The following AXDND1 variants were observed in gnomAD, a reference collection of about 807,000 sequenced individuals.
The protein encoded by AXDND1 is axonemal dynein light chain domain-containing protein 1.
In AXDND1, 110 loss-of-function variants were observed where a neutral mutation model predicts 137.5. That is an observed-to-expected ratio of 0.80 (90% CI 0.69 to 0.94). The LOEUF is 0.94. AXDND1 is among the 40% of genes least tolerant of loss of function. The pLI, the probability that AXDND1 is intolerant of heterozygous loss-of-function variation, is 0.00. For synonymous variants in AXDND1, 414 were observed against 399.7 expected (o/e 1.04, Z -0.43); for missense variants, 1,191 against 1,169.8 (o/e 1.02, Z -0.26).
chr1:179,497,571 C>T (rs192522717), intron 20 of AXDND1, among the ~76,000 whole-genome samples: 1 of 152,238 alleles, frequency 6.6e-6, no homozygotes, highest in East Asian at 1.9e-4. Flanking sequence ...AGGGCAAAAG[C>T]TTGAACCATT....
chr1:179,396,337 A>G (rs750299724), intron 11 of AXDND1, among the ~76,000 whole-genome samples: 1 of 152,034 alleles, frequency 6.6e-6, no homozygotes, highest in African/African-American at 2.4e-5. Flanking sequence ...ATATTTTACT[A>G]TAATACATAG....
chr1:179,390,064 A>T (rs866226220), intron 9 of AXDND1, among the ~76,000 whole-genome samples: 7 of 150,162 alleles, frequency 4.7e-5, no homozygotes, highest in Non-Finnish European at 5.9e-5. Context: ...CCCAGGCTGG[A>T]GTGCAGTGGT....
chr1:179,367,122 T>G (rs1468804489), intron 2 of AXDND1, among the ~76,000 whole-genome samples: 1 of 151,772 alleles, frequency 6.6e-6, no homozygotes. Context: ...CTCTGGAGGC[T>G]GAGGCAAGAG....
chr1:179,546,231 C>T (rs952517800), intron 25 of AXDND1: 3 of 151,598 alleles, frequency 2.0e-5, no homozygotes, highest in Admixed American at 6.6e-5. Context: ...CCTTGCGGTG[C>T]TCTTCCACTA....
chr1:179,473,091 TG>T (rs1477993734), intron 17 of AXDND1, among the ~76,000 whole-genome samples: 1 of 152,152 alleles, frequency 6.6e-6, no homozygotes, highest in African/African-American at 2.4e-5. Context: ...TTTCTTTTAT[TG>T]TTTTTTTTGT....
chr1:179,481,057 A>G lies in AXDND1; in HGVS notation c.1998-2071A>G, dbSNP rs543806463. Among the ~76,000 whole-genome samples, 612 of 151,858 alleles carry G rather than the reference A, an allele frequency of 4.0e-3. 5 individuals are homozygous for G. Among genetic ancestry groups the G allele is most frequent in the African/African-American group, 0.014 (586 of 41,474 alleles). ...GTGCAGGTTTGTTACATATGTATAC[A>G]TGTGCCATGTTGGTGTGCTGCACCC... On this transcript the variant is annotated intron_variant, in intron 17 of 25. Transcript: ENST00000367618.
intron 12 of AXDND1, among the ~76,000 whole-genome samples, chr1:179,419,493 A>C (rs1242187468): frequency 6.7e-6 from 1 of 149,438 alleles, no homozygotes; most frequent in Non-Finnish European, 1.5e-5. Flanking sequence ...GTGCGCCTGC[A>C]ATCGCAGGCA....
At chr1:179,493,973 A>T (rs1016418624) in intron 20 of AXDND1, among the ~76,000 whole-genome samples, 7 of 152,032 alleles carry the variant, frequency 4.6e-5, no homozygotes, top group Admixed American at 1.3e-4. Context: ...TTTTTTTGAG[A>T]TGGAGTCTCG....
At chr1:179,446,092 G>C (rs12722736) in intron 16 of AXDND1, among the ~76,000 whole-genome samples, 1 of 151,904 alleles carries the variant, frequency 6.6e-6, no homozygotes, top group Non-Finnish European at 1.5e-5. Flanking sequence ...GATGACTACT[G>C]ATGTCAAGCA....
rs758212592 is a variant in AXDND1 at position 179,491,738 on chromosome 1, G to T, written c.2291+1G>T. ...ACCAATACTCCAGCTATTTGAGCAG[G>T]TGAAGCGGTTATTTTATTGTTGCCC... On this transcript the variant is annotated splice_donor_variant, in intron 19 of 25. Coordinates refer to ENST00000367618, the MANE Select transcript of AXDND1 (RefSeq NM_144696.6). LOFTEE classifies it high-confidence loss of function. 1.3e-6 allele frequency: 2 copies of T among 1,538,594 alleles called. No homozygotes were observed.
At position 179,552,529 on chromosome 1, in the gene AXDND1, G is replaced by A. The variant is rs1279901898; in HGVS notation, c.3032-1983G>A. 19 of 1,170,802 alleles carry A rather than the reference G, an allele frequency of 1.6e-5. No homozygotes were observed. In the East Asian group the frequency reaches 4.3e-4, roughly 26 times the overall value. The allele number at this position is 1,170,802 out of a possible 1,614,324, so 72.5% of individuals were successfully genotyped here. Reference sequence around the variant, plus strand: ...CAGTGCCTAATGAATGGACAGTAAGGAAGCAAAGGGGAAATGTTCTCCACG... The same window carrying A: ...CAGTGCCTAATGAATGGACAGTAAGAAAGCAAAGGGGAAATGTTCTCCACG... On this transcript the variant is annotated intron_variant, in intron 25 of 25. Coordinates refer to ENST00000367618, the MANE Select transcript of AXDND1 (RefSeq NM_144696.6).
intron 23 of AXDND1, chr1:179,533,252 T>C (rs1363696286): frequency 6.6e-6 from 1 of 152,280 alleles, no homozygotes; most frequent in African/African-American, 2.4e-5. Flanking sequence ...CTTCCTCTTA[T>C]ATAGAGTCAA....
intron 9 of AXDND1, among the ~76,000 whole-genome samples, chr1:179,391,618 C>T (rs1009270147): frequency 6.6e-6 from 1 of 152,064 alleles, no homozygotes; most frequent in Non-Finnish European, 1.5e-5. Context: ...CTCACTGCCA[C>T]CTCCAGCTCC....
intron 25 of AXDND1, 132 bp downstream of exon 25, chr1:179,535,094 GT>G (rs1255168133): frequency 2.2e-6 from 3 of 1,365,698 alleles, no homozygotes; most frequent in Admixed American, 4.2e-5. Flanking sequence ...TCATAGGAAT[GT>G]GCATATTTTA....
At chr1:179,528,270 A>G (rs747875949) in intron 22 of AXDND1, 57 bp from the exon 23 acceptor site, 107 of 1,280,512 alleles carry the variant, frequency 8.4e-5, no homozygotes, top group Non-Finnish European at 1.2e-4. Flanking sequence ...CGTGCCAGGA[A>G]ACTTGCTGGG....
chr1:179,386,003 C>A (rs1353457822), intron 9 of AXDND1, among the ~76,000 whole-genome samples: 2 of 151,794 alleles, frequency 1.3e-5, no homozygotes, highest in African/African-American at 2.4e-5. Flanking sequence ...CTTTATTCCC[C>A]CAAACGTAAT....
intron 5 of AXDND1, 107 bp from the exon 6 acceptor site, chr1:179,379,290 A>G: frequency 2.4e-6 from 3 of 1,252,172 alleles, no homozygotes; most frequent in African/African-American, 1.5e-5. Flanking sequence ...AAAATTTTTC[A>G]ACTTAAAAAA....
chr1:179,375,955 C>T (rs1373211374), intron 4 of AXDND1, among the ~76,000 whole-genome samples: 1 of 152,186 alleles, frequency 6.6e-6, no homozygotes, highest in Non-Finnish European at 1.5e-5. Flanking sequence ...TCAGGATCTT[C>T]CTGGGACACT....
intron 17 of AXDND1, among the ~76,000 whole-genome samples, chr1:179,474,964 T>G (rs1251302913): frequency 6.6e-6 from 1 of 152,230 alleles, no homozygotes; most frequent in Non-Finnish European, 1.5e-5. Flanking sequence ...CATGGCGTCC[T>G]GTGTCCCAGC....
Sources: allele counts gnomAD v4.1 joint callset (sites outside exome capture counted in the v4.1 genomes callset), GRCh38; gene constraint gnomAD v4.1.1; transcripts MANE v1.5; gene names NCBI Gene and HGNC (gene_info 2026-07-23, HGNC 2026-07-21).